Variants in TP53I3 observed in about 807,000 individuals in gnomAD.
The protein encoded by TP53I3 is tumor protein p53 inducible protein 3.
TP53I3 carries 32 observed loss-of-function variants against 27.7 expected under a neutral mutation model. That is an observed-to-expected ratio of 1.16 (90% CI 0.87 to 1.55). The LOEUF is 1.55. Among genes scored for constraint, TP53I3 ranks in the 40% most tolerant of loss-of-function variants. The probability of loss-of-function intolerance (pLI) is 0.00; values close to 1 mark genes in which losing one functional copy is unlikely to be tolerated. For missense variants in TP53I3, 372 were observed against 412.3 expected, an observed-to-expected ratio of 0.90 and a Z score of 0.85; for synonymous variants, 138 against 167.8, an observed-to-expected ratio of 0.82 and a Z score of 1.37.
At position 24,080,855 on chromosome 2, in the gene TP53I3, CTTTTTTGT is replaced by C. The variant is rs935876473; in HGVS notation, c.575_582del (p.Tyr192Ter). On this transcript the variant is annotated frameshift_variant, in exon 3 of 5. Coordinates refer to ENST00000238721, the MANE Select transcript of TP53I3 (RefSeq NM_004881.5). LOFTEE classifies it high-confidence loss of function. The surrounding 1 kb of genome is among the most constrained non-coding windows in gnomAD (Gnocchi z 4.7). ...TTCAGCGTTGCTTCAGAGAAATCCT[CTTTTTTGT>C]AATTGAATCCAGCAGCTGCTCCAAG... 1 of 1,614,114 alleles carries C rather than the reference CTTTTTTGT, an allele frequency of 6.2e-7. No homozygotes were observed. The highest frequency in any genetic ancestry group is 8.5e-7 in the Non-Finnish European group (1 of 1,180,060).
chr2:24,084,356 C>T lies in TP53I3; in HGVS notation c.-30G>A, dbSNP rs1161700335. The T allele has an allele frequency of 7.3e-7, 1 of 1,371,470 alleles. No homozygotes were observed. The highest frequency in any genetic ancestry group is 9.9e-7 in the Non-Finnish European group (1 of 1,008,658). The allele number at this position is 1,371,470 out of a possible 1,614,324, so 85.0% of individuals were successfully genotyped here. A position where few individuals can be genotyped will look rare whatever the true frequency, so the allele number is the denominator to read the frequency against. On this transcript the variant is annotated 5_prime_UTR_variant, in exon 1 of 5. Coordinates refer to ENST00000238721, the MANE Select transcript of TP53I3 (RefSeq NM_004881.5). The surrounding 1 kb of genome is among the most constrained non-coding windows in gnomAD (Gnocchi z 8.4). ...TCTGAGGACACAGGGCAGGGCAGGG[C>T]AGGACAGGACAGGGCAGGGCAGGGC...
intron 1 of TP53I3, among the ~76,000 whole-genome samples, chr2:24,083,880 A>G (rs1438570391): frequency 6.6e-6 from 1 of 152,146 alleles, no homozygotes; most frequent in Non-Finnish European, 1.5e-5. Context: ...TATCTGTAGA[A>G]TTAAGATGGC....
rs750117102 is a variant in TP53I3 at position 24,077,702 on chromosome 2, C to T, written c.876G>A (p.Glu292=). The T allele has an allele frequency of 6.2e-7, 1 of 1,614,080 alleles. No individual in the cohort carries two copies. The highest frequency in any genetic ancestry group is 8.5e-7 in the Non-Finnish European group (1 of 1,179,986). ...GAACCGGCAGCAGACGTTGGGGGCC[C>T]TCCGTGGAGAAGTGAGGCAGAATTT... ...TEQILPHFST[E]GPQRLLPVLD... Residue 292 remains glutamate (E), a synonymous_variant, in exon 5 of 5, where the codon GAG becomes GAA. Coordinates refer to ENST00000238721, the MANE Select transcript of TP53I3 (RefSeq NM_004881.5). The surrounding 1 kb of genome is among the most constrained non-coding windows in gnomAD (Gnocchi z 5.5).
At chr2:24,081,984 C>G (rs752228447) in intron 2 of TP53I3, among the ~76,000 whole-genome samples, 29 of 151,922 alleles carry the variant, frequency 1.9e-4, no homozygotes, top group South Asian at 4.1e-4. Flanking sequence ...CGTGAGCCAC[C>G]ACGCCCAGCC....
In TP53I3 at chr2:24,081,028, T is replaced by A; in HGVS notation, c.410A>T (p.Asn137Ile). 1 of 1,611,470 alleles carries A rather than the reference T, an allele frequency of 6.2e-7. No individual in the cohort carries two copies. Among genetic ancestry groups the A allele is most frequent in the Non-Finnish European group, 8.5e-7 (1 of 1,178,032 alleles). The change falls in exon 3 of 5, where the codon AAT becomes ATT. Residue 137 changes from asparagine to isoleucine, a missense_variant. Coordinates refer to ENST00000238721, the MANE Select transcript of TP53I3 (RefSeq NM_004881.5). Reference sequence around the variant, plus strand: ...TAGCACATAGTCTCCAGCCTGAACATTTCCTGTGACAGAAAGTACAGGGTT... The same window carrying A: ...TAGCACATAGTCTCCAGCCTGAACAATTCCTGTGACAGAAAGTACAGGGTT... ...TAFQLLHLVGNVQAGDYVLIH... is the reference protein window; with the variant it reads ...TAFQLLHLVGIVQAGDYVLIH...
rs775840786 is a variant in TP53I3 at position 24,084,162 on chromosome 2, G to A, written c.138+27C>T. 1.1e-5 allele frequency: 17 copies of A among 1,593,992 alleles called. No individual in the cohort carries two copies. The highest frequency in any genetic ancestry group is 1.4e-5 in the Non-Finnish European group (16 of 1,171,812). ...AGAGGGAGGCTCTGGAGTCCCGCCC[G>A]CCCCGGCGCGGCTGAGCCCTGGGTA... On this transcript the variant is annotated intron_variant, in intron 1 of 4. Transcript: ENST00000238721. This position sits in a 1 kb window ranked among gnomAD's most constrained non-coding sequence, Gnocchi z 8.4.
chr2:24,083,760 G>A lies in TP53I3; in HGVS notation c.138+429C>T, dbSNP rs535898750. On this transcript the variant is annotated intron_variant, in intron 1 of 4. Coordinates refer to ENST00000238721, the MANE Select transcript of TP53I3 (RefSeq NM_004881.5). ...CTCCGGGACTCTCAGAGTGGAAAGA[G>A]TTAAGAGGTCTTTGGAGCCACAAAG... is the stretch of plus-strand genomic sequence containing the variant. Among the ~76,000 whole-genome samples the A allele has an allele frequency of 1.4e-4, 22 of 152,304 alleles. No homozygotes were observed. The South Asian group carries it at 4.6e-3, about 32-fold the overall frequency.
At position 24,084,055 on chromosome 2, in the gene TP53I3, T is replaced by C. The variant is rs1665138116; in HGVS notation, c.138+134A>G. 2.2e-6 allele frequency: 3 copies of C among 1,376,232 alleles called. No individual in the cohort carries two copies. Among genetic ancestry groups the C allele is most frequent in the Non-Finnish European group, 2.9e-6 (3 of 1,046,298 alleles). 85.3% of individuals were successfully genotyped at this position (1,376,232 alleles called of 1,614,324 possible). ...AAAGAGGGCGCCCTGGGTTTAGGTC[T>C]GGGAAGCCCCAGCGCAGCTGCCTGC... On this transcript the variant is annotated intron_variant, in intron 1 of 4. Coordinates refer to ENST00000238721, the MANE Select transcript of TP53I3 (RefSeq NM_004881.5). The surrounding 1 kb of genome is among the most constrained non-coding windows in gnomAD (Gnocchi z 8.4).
At chr2:24,082,229 C>G (rs998287636) in intron 2 of TP53I3, among the ~76,000 whole-genome samples, 1 of 152,178 alleles carries the variant, frequency 6.6e-6, no homozygotes, top group African/African-American at 2.4e-5. Flanking sequence ...CTCCTGGGCT[C>G]GTGATCTGTC....
intron 4 of TP53I3, among the ~76,000 whole-genome samples, chr2:24,078,532 G>A (rs1242265940): frequency 6.6e-6 from 1 of 151,410 alleles, no homozygotes; most frequent in Non-Finnish European, 1.5e-5. Context: ...TCAATCTGCT[G>A]GTATCAATTT....
intron 4 of TP53I3, among the ~76,000 whole-genome samples, chr2:24,078,572 T>C (rs1008023623): frequency 6.6e-6 from 1 of 151,468 alleles, no homozygotes; most frequent in African/African-American, 2.4e-5. Flanking sequence ...AGAGACCACA[T>C]AGGAGCTAAA....
chr2:24,084,395 G>GCAGGGCAGGA lies in TP53I3; in HGVS notation c.-79_-70dup. ...GCAGGGCAGGGCAGGACAGGACAGG[G>GCAGGGCAGGA]CAGGGCAGGACAGGACAGGGCAGGG... On this transcript the variant is annotated 5_prime_UTR_variant, in exon 1 of 5. Coordinates refer to ENST00000238721, the MANE Select transcript of TP53I3 (RefSeq NM_004881.5). This position sits in a 1 kb window ranked among gnomAD's most constrained non-coding sequence, Gnocchi z 8.4. The GCAGGGCAGGA allele has an allele frequency of 2.0e-6, 3 of 1,488,346 alleles. No homozygotes were observed. Among genetic ancestry groups the GCAGGGCAGGA allele is most frequent in the Non-Finnish European group, 2.7e-6 (3 of 1,103,506 alleles). 92.2% of individuals were successfully genotyped at this position (1,488,346 alleles called of 1,614,324 possible).
At chr2:24,082,798 G>A in intron 2 of TP53I3, 87 bp downstream of exon 2, 1 of 1,474,024 alleles carries the variant, frequency 6.8e-7, no homozygotes, top group Non-Finnish European at 9.0e-7. Context: ...GCCTGGGAGT[G>A]CCCTGGGGGA....
chr2:24,081,886 G>T (rs1358956820), intron 2 of TP53I3, among the ~76,000 whole-genome samples: 1 of 151,848 alleles, frequency 6.6e-6, no homozygotes, highest in Non-Finnish European at 1.5e-5. Flanking sequence ...TAGTAGAGAT[G>T]AAGTTTCACC....
chr2:24,082,336 C>G (rs1665042407), intron 2 of TP53I3, among the ~76,000 whole-genome samples: 2 of 152,146 alleles, frequency 1.3e-5, no homozygotes, highest in African/African-American at 4.8e-5. Context: ...ACAAGTCTAC[C>G]CACCCTTCAA....
rs201865216 is a variant in TP53I3 at position 24,077,647 on chromosome 2, G to C, written c.931C>G (p.Gln311Glu). 1.9e-4 allele frequency: 311 copies of C among 1,614,124 alleles called. 3 individuals are homozygous for C. In the Middle Eastern group the frequency reaches 8.9e-3, roughly 46 times the overall value. The change falls in exon 5 of 5, where the codon CAG (glutamine) becomes GAG (glutamate). Residue 311 changes from glutamine to glutamate, a missense_variant. Physicochemically the swap from Gln to Glu is conservative, Grantham distance 29. Coordinates refer to ENST00000238721, the MANE Select transcript of TP53I3 (RefSeq NM_004881.5). This position sits in a 1 kb window ranked among gnomAD's most constrained non-coding sequence, Gnocchi z 5.5. The stretch of plus-strand genomic sequence containing the variant: ...GCCTCCATGTACTTATGGGCCTCCT[G>C]GATTTCGGTCACTGGGTAGATTCTG... The part of the protein sequence containing the change: ...LDRIYPVTEI[Q>E]EAHKYMEANK...
In TP53I3 at chr2:24,083,149, G is replaced by A. The variant is rs753459726; in HGVS notation, c.142C>T (p.Gln48Ter). The change falls in exon 2 of 5, where the codon CAA becomes TAA. Residue 48 changes from glutamine (Q) to a stop codon, truncating the protein, a stop_gained. Transcript: ENST00000238721. LOFTEE classifies it high-confidence loss of function. Reference protein sequence around the residue: ...ALNRADLMQRQGQYDPPPGAS... With the variant: ...ALNRADLMQR Reference sequence around the variant, plus strand: ...CCTGGAGGTGGGTCATACTGGCCTTGTCTCTGCAGAGAAAGAAGTGCACTA... The same window carrying A: ...CCTGGAGGTGGGTCATACTGGCCTTATCTCTGCAGAGAAAGAAGTGCACTA... The A allele has an allele frequency of 1.2e-6, 2 of 1,604,400 alleles. No homozygotes were observed. Among genetic ancestry groups the A allele is most frequent in the Admixed American group, 3.4e-5 (2 of 59,564 alleles).
Position 24,084,093 on chromosome 2 carries a change from G to A in TP53I3, c.138+96C>T. The A allele has an allele frequency of 6.8e-7, 1 of 1,462,788 alleles. No homozygotes were observed. The highest frequency in any genetic ancestry group is 1.4e-5 in the South Asian group (1 of 73,216). The allele number at this position is 1,462,788 out of a possible 1,614,324, so 90.6% of individuals were successfully genotyped here. ...CGCAGCTGCCTGCTGGGTGTGGAGCGGTGCACGCCTTCACGTCTGGTCAAT... is the reference window on the plus strand; with the variant it reads ...CGCAGCTGCCTGCTGGGTGTGGAGCAGTGCACGCCTTCACGTCTGGTCAAT... On this transcript the variant is annotated intron_variant, in intron 1 of 4. Transcript: ENST00000238721. The surrounding 1 kb of genome is among the most constrained non-coding windows in gnomAD (Gnocchi z 8.4).
In TP53I3 at chr2:24,077,501, CCTGT is replaced by C; in HGVS notation, c.*74_*77del. 6.2e-6 allele frequency: 9 copies of C among 1,463,264 alleles called. No individual in the cohort carries two copies. The highest frequency in any genetic ancestry group is 2.5e-5 in the Admixed American group (1 of 39,606). 90.6% of individuals were successfully genotyped at this position (1,463,264 alleles called of 1,614,324 possible). A position where few individuals can be genotyped will look rare whatever the true frequency, so the allele number is the denominator to read the frequency against. ...CTGGAGGAAGCACCGGGTTTCTTGGCCTGTCTATTGTGAATCTTCTCCAGGTTTG... is the reference window on the plus strand; with the variant it reads ...CTGGAGGAAGCACCGGGTTTCTTGGCCTATTGTGAATCTTCTCCAGGTTTG... On this transcript the variant is annotated 3_prime_UTR_variant, in exon 5 of 5. Coordinates refer to ENST00000238721, the MANE Select transcript of TP53I3 (RefSeq NM_004881.5). This position sits in a 1 kb window ranked among gnomAD's most constrained non-coding sequence, Gnocchi z 5.5.
Sources: allele counts gnomAD v4.1 joint callset (sites outside exome capture counted in the v4.1 genomes callset), GRCh38; gene constraint gnomAD v4.1.1; non-coding constraint Gnocchi (gnomAD v3.1); transcripts MANE v1.5; gene names NCBI Gene and HGNC (gene_info 2026-07-23, HGNC 2026-07-21).